The following CIP2A variants were observed in gnomAD, a reference collection of about 807,000 sequenced individuals.
The protein encoded by CIP2A is cellular inhibitor of PP2A.
Under a neutral mutation model 110.9 loss-of-function variants are expected in CIP2A, and 103 were observed. The observed-to-expected ratio is 0.93, with a 90% CI of 0.79 to 1.09. The LOEUF (loss-of-function observed/expected upper bound fraction) is 1.09. Among genes scored for constraint, CIP2A ranks in the 50% least tolerant of loss-of-function variants. The pLI is 0.00. For synonymous variants in CIP2A, 381 were observed against 361.6 expected (o/e 1.05, Z -0.61); for missense variants, 1,088 against 1,038.4 (o/e 1.05, Z -0.66).
chr3:108,581,557 G>GA, intron 4 of CIP2A, 46 bp from the exon 5 acceptor site: 1 of 1,138,212 alleles, frequency 8.8e-7, no homozygotes, highest in Non-Finnish European at 1.3e-6. Flanking sequence ...AATAGTAAAA[G>GA]AAAAAAAGCA....
intron 5 of CIP2A, 89 bp downstream of exon 5, chr3:108,581,326 T>C (rs1315799062): frequency 1.1e-6 from 1 of 893,006 alleles, no homozygotes; most frequent in East Asian, 2.7e-5. Flanking sequence ...TTGTTCAAAT[T>C]TGTTTTAAAG....
At chr3:108,553,479 T>A (rs776150622) in intron 19 of CIP2A, among the ~76,000 whole-genome samples, 169 bp downstream of exon 19, 15 of 152,006 alleles carry the variant, frequency 9.9e-5, no homozygotes, top group South Asian at 2.1e-4. Context: ...TCAACTTGAT[T>A]AAACCGAACT....
intron 10 of CIP2A, among the ~76,000 whole-genome samples, chr3:108,567,834 A>G (rs1280587688): frequency 1.3e-5 from 2 of 152,060 alleles, no homozygotes; most frequent in South Asian, 2.1e-4. Flanking sequence ...AAACAGTAAC[A>G]TGGAGTAACA....
intron 12 of CIP2A, 147 bp downstream of exon 12, chr3:108,565,208 A>G: frequency 1.9e-6 from 1 of 520,262 alleles, no homozygotes; most frequent in South Asian, 3.1e-5. Context: ...GACTATTATA[A>G]CTGCTTAAGA....
rs1453778182 is a variant in CIP2A, at chr3:108,550,285, C to T, written c.*864G>A. Reference sequence around the variant, plus strand: ...AACCAATTAAAAACTATTAGGACAACAAATTAAATACAATTCATATCAGAA... The same window carrying T: ...AACCAATTAAAAACTATTAGGACAATAAATTAAATACAATTCATATCAGAA... On this transcript the variant is annotated 3_prime_UTR_variant, in exon 21 of 21. Transcript: ENST00000295746. 1.3e-5 allele frequency: 2 copies of T among 151,356 alleles called. No individual in the cohort carries two copies. The highest frequency in any genetic ancestry group is 3.9e-4 in the East Asian group (2 of 5,176). 9.4% of individuals were successfully genotyped at this position (151,356 alleles called of 1,614,324 possible).
At position 108,557,304 on chromosome 3, in the gene CIP2A, C is replaced by T. The variant is rs759889422; in HGVS notation, c.2124G>A (p.Glu708=). 1.2e-6 allele frequency: 2 copies of T among 1,611,722 alleles called. No homozygotes were observed. Among genetic ancestry groups the T allele is most frequent in the Non-Finnish European group, 1.7e-6 (2 of 1,178,340 alleles). Residue 708 remains glutamate, a synonymous_variant, in exon 17 of 21, where the codon GAG becomes GAA. Coordinates refer to ENST00000295746, the MANE Select transcript of CIP2A (RefSeq NM_020890.3). ...ACTTCCTATTATGTTGAAAGAGATG[C>T]TCAATATCACTCTGCGCTCTTTCTG... ...VESERAQSDI[E]HLFQHNRKLE... is the part of the protein sequence containing the mutation.
At chr3:108,560,083 G>C in intron 14 of CIP2A, 55 bp from the exon 15 acceptor site, 1 of 1,028,746 alleles carries the variant, frequency 9.7e-7, no homozygotes, top group Non-Finnish European at 1.5e-6. Context: ...TTGACACAAT[G>C]ACAAAATAAA....
chr3:108,559,983 C>T lies in CIP2A; in HGVS notation c.1873G>A (p.Val625Ile), dbSNP rs1316245471. 4 of 1,602,160 alleles carry T rather than the reference C, an allele frequency of 2.5e-6. No homozygotes were observed. In the African/African-American group the frequency reaches 4.0e-5, roughly 16 times the overall value. The change falls in exon 15 of 21, where the codon GTA (valine) becomes ATA (isoleucine). Residue 625 changes from valine (V) to isoleucine (I), a missense_variant. By Grantham distance (29) the Val-to-Ile change is conservative. Transcript: ENST00000295746. ...AATGTGGATAGTTTCATTTCATATA[C>T]ATCCATTATGTCAGATATTCTCACA... ...CDVRISDIMD[V>I]YEMKLSTLAS...
intron 18 of CIP2A, among the ~76,000 whole-genome samples, 186 bp from the exon 19 acceptor site, chr3:108,553,916 A>AAAAAAAAAAAAAAAAAAAAAAAAAAAC: frequency 7.0e-6 from 1 of 142,718 alleles, no homozygotes; most frequent in Non-Finnish European, 1.5e-5. Context: ...AAAAAAAAAA[A>AAAAAAAAAAAAAAAAAAAAAAAAAAAC]AAAGGTCTCG....
intron 1 of CIP2A, 67 bp from the exon 2 acceptor site, chr3:108,585,279 T>C: frequency 7.0e-7 from 1 of 1,431,268 alleles, no homozygotes; most frequent in Non-Finnish European, 9.4e-7. Context: ...CCATTTCAAA[T>C]AAAAAACTCA....
At position 108,581,501 on chromosome 3, in the gene CIP2A, CAGA is replaced by C; in HGVS notation, c.460_462del (p.Ser154del). 6.2e-7 allele frequency: 1 copy of C among 1,605,080 alleles called. No individual in the cohort carries two copies. Among genetic ancestry groups the C allele is most frequent in the Non-Finnish European group, 8.5e-7 (1 of 1,172,858 alleles). ...AGACAAGGCATTTTTAACTCATCTT[CAGA>C]AGATTGACTGTTGTTTTACATTGGT... On this transcript the variant is annotated inframe_deletion, in exon 5 of 21. Transcript: ENST00000295746.
intron 12 of CIP2A, among the ~76,000 whole-genome samples, chr3:108,564,731 C>T (rs1322013835): frequency 1.3e-5 from 2 of 151,836 alleles, no homozygotes; most frequent in East Asian, 1.9e-4. Flanking sequence ...CTTTTCTGGT[C>T]TATAAAGTCA....
intron 6 of CIP2A, 52 bp from the exon 7 acceptor site, chr3:108,579,478 A>G: frequency 6.4e-7 from 1 of 1,560,046 alleles, no homozygotes; most frequent in Non-Finnish European, 8.7e-7. Flanking sequence ...AGTTGACACC[A>G]TCCTAAAAGG....
In CIP2A at chr3:108,560,771, G is replaced by A. The variant is rs1937979942; in HGVS notation, c.1705C>T (p.Pro569Ser). 1 of 1,612,708 alleles carries A rather than the reference G, an allele frequency of 6.2e-7. No individual in the cohort carries two copies. Among genetic ancestry groups the A allele is most frequent in the Non-Finnish European group, 8.5e-7 (1 of 1,179,140 alleles). Residue 569 changes from proline to serine, a missense_variant, in exon 14 of 21, where the codon CCC becomes TCC. Pro to Ser is a moderately conservative substitution (Grantham distance 74). Coordinates refer to ENST00000295746, the MANE Select transcript of CIP2A (RefSeq NM_020890.3). ...AAACTGTGATTTGATGATTGCCAGGGCATTTTTCTGGGTATATGTTCTGTT... is the reference window on the plus strand; with the variant it reads ...AAACTGTGATTTGATGATTGCCAGGACATTTTTCTGGGTATATGTTCTGTT... ...QETEHIPRKM[P>S]WQSSNHSFPT...
At chr3:108,587,630 T>C (rs1174705677) in intron 1 of CIP2A, among the ~76,000 whole-genome samples, 2 of 152,256 alleles carry the variant, frequency 1.3e-5, no homozygotes, top group Non-Finnish European at 2.9e-5. Context: ...GTATGTATTT[T>C]ATCTCTTAAT....
At chr3:108,555,221 T>C (rs1161356704) in intron 17 of CIP2A, among the ~76,000 whole-genome samples, 1 of 152,148 alleles carries the variant, frequency 6.6e-6, no homozygotes, top group Admixed American at 6.5e-5. Flanking sequence ...AACCACGTAT[T>C]TTTCTTGGAC....
chr3:108,578,469 T>C (rs72943560), intron 7 of CIP2A, among the ~76,000 whole-genome samples: 5,523 of 151,162 alleles, frequency 0.037, 331 homozygotes, highest in African/African-American at 0.12. Flanking sequence ...ATATGAACAA[T>C]GGTCAAGTTT....
chr3:108,582,275 C>A, intron 3 of CIP2A, 73 bp from the exon 4 acceptor site: 1 of 604,146 alleles, frequency 1.7e-6, no homozygotes, highest in Non-Finnish European at 2.8e-6. Flanking sequence ...GACTCTCAGG[C>A]ACATTCTGAG....
intron 19 of CIP2A, among the ~76,000 whole-genome samples, chr3:108,553,121 G>GTTT (rs768832281): frequency 7.4e-5 from 5 of 67,172 alleles, no homozygotes; most frequent in African/African-American, 2.3e-4. Flanking sequence ...CTTTCCTTTT[G>GTTT]TTTTTTTTTT....
Sources: allele counts gnomAD v4.1 joint callset (sites outside exome capture counted in the v4.1 genomes callset), GRCh38; gene constraint gnomAD v4.1.1; transcripts MANE v1.5; gene names NCBI Gene and HGNC (gene_info 2026-07-23, HGNC 2026-07-21).